The following S100A8 variants were observed in gnomAD, a reference collection of about 807,000 sequenced individuals.
S100A8 encodes protein S100-A8.
A neutral mutation model predicts 4.2 loss-of-function variants in S100A8; 1 was observed. The observed-to-expected ratio is 0.24, with a 90% CI of 0.08 to 1.12. S100A8 has a LOEUF of 1.12. S100A8 is among the 50% of genes most tolerant of loss of function. The pLI is 0.53. For synonymous variants in S100A8, 41 were observed against 44.7 expected (o/e 0.92, Z 0.33); for missense variants, 96 against 111.8 (o/e 0.86, Z 0.64).
chr1:153,391,307 G>A (rs980143665), upstream of S100A8: 2 of 606,416 alleles, frequency 3.3e-6, no homozygotes, highest in Non-Finnish European at 4.1e-6. Flanking sequence ...AGCAGGTAGG[G>A]GGGCTCTTTT....
chr1:153,407,207 A>G, the S100A8 span, among the ~76,000 whole-genome samples: 1 of 152,210 alleles, frequency 6.6e-6, no homozygotes, highest in Non-Finnish European at 1.5e-5. Context: ...GCCAGGGAAT[A>G]CTTTTCATAG....
chr1:153,418,308 C>A, the S100A8 span: 1 of 1,539,476 alleles, frequency 6.5e-7, no homozygotes, highest in Non-Finnish European at 8.8e-7. Context: ...GGACAGGTCA[C>A]CCTCATCCTC....
At chr1:153,414,428 A>G in the S100A8 span, among the ~76,000 whole-genome samples, 1 of 152,236 alleles carries the variant, frequency 6.6e-6, no homozygotes, top group Non-Finnish European at 1.5e-5. Context: ...CACAAACCAA[A>G]CAATTAGAAA....
At chr1:153,417,560 C>A in the S100A8 span, among the ~76,000 whole-genome samples, 2 of 152,198 alleles carry the variant, frequency 1.3e-5, no homozygotes, top group African/African-American at 2.4e-5. Context: ...CTGTGTCATG[C>A]AGGGCTTGCA....
the S100A8 span, among the ~76,000 whole-genome samples, chr1:153,396,434 A>T: frequency 1.8e-4 from 28 of 152,264 alleles, no homozygotes. Context: ...TCTCTCTCAC[A>T]TTGATGTCCT....
At position 153,390,130 on chromosome 1, in the gene S100A8, T is replaced by A; in HGVS notation, c.255A>T (p.Lys85Asn). 3 of 1,613,986 alleles carry A rather than the reference T, an allele frequency of 1.9e-6. No individual in the cohort carries two copies. Among genetic ancestry groups the A allele is most frequent in the Non-Finnish European group, 2.5e-6 (3 of 1,179,944 alleles). ...ACTCTTTGTGGCTTTCTTCATGGCT[T>A]TTTTTGTGGGCTGCCACGCCCATCT... ...VIKMGVAAHK[K>N]SHEESHKE Residue 85 changes from lysine (K) to asparagine (N), a missense_variant, in exon 3 of 3, where the codon AAA (lysine) becomes AAT (asparagine). Lys to Asn is a moderately conservative substitution (Grantham distance 94, BLOSUM62 0). Transcript: ENST00000368733.
chr1:153,390,125 T>C lies in S100A8; in HGVS notation c.260A>G (p.His87Arg), dbSNP rs529746869. The change falls in exon 3 of 3, where the codon CAT becomes CGT. Residue 87 changes from histidine (H) to arginine (R), a missense_variant. Physicochemically the swap from His to Arg is conservative, Grantham distance 29. Coordinates refer to ENST00000368733, the MANE Select transcript of S100A8 (RefSeq NM_002964.5). Reference sequence around the variant, plus strand: ...CAGCTACTCTTTGTGGCTTTCTTCATGGCTTTTTTTGTGGGCTGCCACGCC... The same window carrying C: ...CAGCTACTCTTTGTGGCTTTCTTCACGGCTTTTTTTGTGGGCTGCCACGCC... ...KMGVAAHKKS[H>R]EESHKE The C allele has an allele frequency of 5.0e-6, 8 of 1,613,996 alleles. No homozygotes were observed. In the African/African-American group the frequency reaches 6.7e-5, roughly 13 times the overall value.
the S100A8 span, among the ~76,000 whole-genome samples, chr1:153,414,334 G>A: frequency 6.6e-6 from 1 of 152,136 alleles, no homozygotes; most frequent in Non-Finnish European, 1.5e-5. Context: ...GCCACAGACT[G>A]GGAGAAAATA....
chr1:153,400,410 G>A, the S100A8 span, among the ~76,000 whole-genome samples: 2 of 151,966 alleles, frequency 1.3e-5, no homozygotes, highest in African/African-American at 2.4e-5. Flanking sequence ...TCTCCCAGCC[G>A]GCCCCTTCTA....
the S100A8 span, among the ~76,000 whole-genome samples, chr1:153,407,446 G>C: frequency 6.6e-6 from 1 of 152,198 alleles, no homozygotes; most frequent in African/African-American, 2.4e-5. Context: ...TCTGAGGCTT[G>C]AGTAGGTAAA....
chr1:153,407,996 A>G, the S100A8 span, among the ~76,000 whole-genome samples: 60 of 152,348 alleles, frequency 3.9e-4, no homozygotes, highest in Middle Eastern at 3.4e-3. Flanking sequence ...CCAAAGGTAG[A>G]TAAAACCACA....
At chr1:153,416,354 C>T in the S100A8 span, among the ~76,000 whole-genome samples, 2 of 152,166 alleles carry the variant, frequency 1.3e-5, no homozygotes, top group Admixed American at 6.5e-5. Flanking sequence ...GACCTGGTGA[C>T]CTGGGACCCT....
At chr1:153,407,244 C>T in the S100A8 span, among the ~76,000 whole-genome samples, 1 of 152,204 alleles carries the variant, frequency 6.6e-6, no homozygotes, top group Non-Finnish European at 1.5e-5. Context: ...CAGACGGCAC[C>T]TGGAAAATCA....
At chr1:153,414,243 G>T in the S100A8 span, among the ~76,000 whole-genome samples, 46 of 152,306 alleles carry the variant, frequency 3.0e-4, no homozygotes, top group Non-Finnish European at 3.7e-4. Flanking sequence ...ATCCATGAAA[G>T]AAATAATTCA....
the S100A8 span, among the ~76,000 whole-genome samples, chr1:153,404,735 A>T: frequency 6.6e-6 from 1 of 152,234 alleles, no homozygotes; most frequent in African/African-American, 2.4e-5. Flanking sequence ...GAGAGAGAAA[A>T]GAATACAAAT....
chr1:153,412,324 G>A, the S100A8 span, among the ~76,000 whole-genome samples: 1 of 152,084 alleles, frequency 6.6e-6, no homozygotes, highest in Admixed American at 6.5e-5. Context: ...GTGGGCAAAG[G>A]ATATGAACAG....
At chr1:153,404,688 A>T in the S100A8 span, among the ~76,000 whole-genome samples, 1 of 152,222 alleles carries the variant, frequency 6.6e-6, no homozygotes, top group African/African-American at 2.4e-5. Context: ...TGTGTCCCCA[A>T]TATACTATTT....
At chr1:153,393,970 C>T (rs897740193), upstream of S100A8, among the ~76,000 whole-genome samples, 1 of 152,164 alleles carries the variant, frequency 6.6e-6, no homozygotes, top group East Asian at 1.9e-4. Flanking sequence ...GTCGCCCCCT[C>T]CCCAGAAACT....
the S100A8 span, among the ~76,000 whole-genome samples, chr1:153,411,810 C>T: frequency 7.9e-5 from 12 of 152,040 alleles, no homozygotes; most frequent in African/African-American, 2.4e-4. Flanking sequence ...CAGAACAGAG[C>T]CCTCAGAAAT....
Sources: allele counts gnomAD v4.1 joint callset (sites outside exome capture counted in the v4.1 genomes callset), GRCh38; gene constraint gnomAD v4.1.1; transcripts MANE v1.5; gene names NCBI Gene and HGNC (gene_info 2026-07-23, HGNC 2026-07-21).